The following ADGRL3 variants were observed in gnomAD, a reference collection of about 807,000 sequenced individuals.
ADGRL3 encodes adhesion G protein-coupled receptor L3.
Under a neutral mutation model 153.5 loss-of-function variants are expected in ADGRL3, and 62 were observed. That is an observed-to-expected ratio of 0.40 (90% CI 0.33 to 0.50). The LOEUF (loss-of-function observed/expected upper bound fraction) is 0.50, where lower values mean the gene tolerates loss of function less well. Among genes scored for constraint, ADGRL3 ranks in the 20% least tolerant of loss-of-function variants. ADGRL3 has a pLI of 0.47. For synonymous variants in ADGRL3, 710 were observed against 672.5 expected (o/e 1.06, Z -0.86); for missense variants, 1,641 against 1,859.4 (o/e 0.88, Z 2.16).
chr4:61,291,210 A>AAACACG (rs1553894991), intron 1 of ADGRL3, among the ~76,000 whole-genome samples: 1 of 133,458 alleles, frequency 7.5e-6, no homozygotes, highest in African/African-American at 2.7e-5. Flanking sequence ...ACACACACAC[A>AAACACG]CACACACGCA....
In ADGRL3 at chr4:61,247,045, G is replaced by A. The variant is rs887893346; in HGVS notation, c.-240+45280G>A. 2.0e-5 allele frequency among the ~76,000 whole-genome samples: 3 copies of A among 152,146 alleles called. No homozygotes were observed. The East Asian group carries it at 5.8e-4, about 29-fold the overall frequency. The stretch of plus-strand genomic sequence containing the variant: ...TAATAATATAACAATGTGAGATTGA[G>A]ATTTTTTTAAAGGAAGAGAAATAAT... On this transcript the variant is annotated intron_variant, in intron 1 of 26. Coordinates refer to ENST00000683033, the MANE Select transcript of ADGRL3 (RefSeq NM_001387552.1).
At chr4:61,902,499 A>G (rs1036149947) in intron 11 of ADGRL3, among the ~76,000 whole-genome samples, 1 of 152,148 alleles carries the variant, frequency 6.6e-6, no homozygotes, top group Non-Finnish European at 1.5e-5. Flanking sequence ...GACGGATCCT[A>G]TTTAAGCTCT....
At position 61,381,114 on chromosome 4, in the gene ADGRL3, G is replaced by A. The variant is rs115422175; in HGVS notation, c.-239-2010G>A. On this transcript the variant is annotated intron_variant, in intron 1 of 26. Transcript: ENST00000683033. ...TCATAAGTGGCTGTAATTGAGAAAG[G>A]CATTGAGATGTTGAATAGCCAAAGT... Among the ~76,000 whole-genome samples the A allele has an allele frequency of 4.9e-3, 742 of 152,004 alleles. 11 individuals are homozygous for A. The highest frequency in any genetic ancestry group is 0.017 in the African/African-American group (714 of 41,488).
intron 25 of ADGRL3, chr4:62,063,503 A>G (rs556628834): frequency 2.9e-6 from 2 of 680,066 alleles, no homozygotes; most frequent in Non-Finnish European, 5.4e-6. Context: ...GGGCTGCTCC[A>G]GGAGCCATGG....
In ADGRL3 at chr4:61,832,957, T is replaced by G. The variant is rs556088044; in HGVS notation, c.1480+19068T>G. 4.3e-4 allele frequency among the ~76,000 whole-genome samples: 65 copies of G among 152,136 alleles called. No individual in the cohort carries two copies. The South Asian group carries it at 0.013, about 31-fold the overall frequency. ...TACGGGCATGTTTTTCTCTTCTTTC[T>G]GACCATTGAGTTCATGTAGAGCCAT... On this transcript the variant is annotated intron_variant, in intron 9 of 26. Coordinates refer to ENST00000683033, the MANE Select transcript of ADGRL3 (RefSeq NM_001387552.1).
intron 1 of ADGRL3, among the ~76,000 whole-genome samples, chr4:61,360,674 T>C (rs2096269213): frequency 6.6e-6 from 1 of 152,180 alleles, no homozygotes; most frequent in Non-Finnish European, 1.5e-5. Flanking sequence ...AGCTGCTGAA[T>C]GCAACATTTT....
At chr4:61,569,039 C>T (rs1293325948) in intron 4 of ADGRL3, among the ~76,000 whole-genome samples, 1 of 151,912 alleles carries the variant, frequency 6.6e-6, no homozygotes, top group East Asian at 1.9e-4. Context: ...ACTTTTGTTT[C>T]GAGAGACTTT....
chr4:61,726,644 C>A (rs992963299), intron 6 of ADGRL3, among the ~76,000 whole-genome samples: 1 of 152,136 alleles, frequency 6.6e-6, no homozygotes, highest in African/African-American at 2.4e-5. Context: ...CATATCCCAA[C>A]TGCCCAGCTG....
intron 2 of ADGRL3, among the ~76,000 whole-genome samples, chr4:61,439,153 A>T (rs2097496409): frequency 6.6e-6 from 1 of 152,194 alleles, no homozygotes; most frequent in African/African-American, 2.4e-5. Flanking sequence ...GTTAAATTAA[A>T]AATTTCTGAT....
At chr4:61,351,521 G>T (rs1246616597) in intron 1 of ADGRL3, among the ~76,000 whole-genome samples, 2 of 152,192 alleles carry the variant, frequency 1.3e-5, no homozygotes, top group African/African-American at 4.8e-5. Flanking sequence ...TCAGTGCCTG[G>T]CTTCAAAGCT....
chr4:61,675,541 T>A (rs560145488), intron 5 of ADGRL3, among the ~76,000 whole-genome samples: 9 of 151,826 alleles, frequency 5.9e-5, no homozygotes, highest in Middle Eastern at 3.4e-3. Context: ...TCAACATGTT[T>A]GTTTTTCCCC....
intron 4 of ADGRL3, among the ~76,000 whole-genome samples, chr4:61,551,991 C>A (rs2098742523): frequency 6.6e-6 from 1 of 152,036 alleles, no homozygotes; most frequent in African/African-American, 2.4e-5. Flanking sequence ...GGTTATCACT[C>A]CACTAAGGGG....
chr4:61,930,554 T>C (rs950233256), intron 13 of ADGRL3, among the ~76,000 whole-genome samples: 1 of 152,196 alleles, frequency 6.6e-6, no homozygotes, highest in Non-Finnish European at 1.5e-5. Context: ...AATTATAAAG[T>C]ATATAACATC....
chr4:61,998,002 C>T (rs759566057), intron 20 of ADGRL3, among the ~76,000 whole-genome samples, 172 bp from the exon 21 acceptor site: 2 of 152,150 alleles, frequency 1.3e-5, no homozygotes, highest in African/African-American at 4.8e-5. Flanking sequence ...TCCCAATTCT[C>T]GAAACTGGCT....
At chr4:61,985,962 G>C (rs2099084078) in intron 19 of ADGRL3, among the ~76,000 whole-genome samples, 1 of 148,988 alleles carries the variant, frequency 6.7e-6, no homozygotes, top group Non-Finnish European at 1.5e-5. Context: ...AGATGTCTTA[G>C]GGGAGGGGTG....
chr4:61,635,654 C>T (rs1309912147), intron 5 of ADGRL3, among the ~76,000 whole-genome samples: 1 of 152,116 alleles, frequency 6.6e-6, no homozygotes, highest in Non-Finnish European at 1.5e-5. Flanking sequence ...AAGGCTCAGA[C>T]CCATTGTATG....
chr4:61,292,799 G>A (rs79677646), intron 1 of ADGRL3, among the ~76,000 whole-genome samples: 6,428 of 152,116 alleles, frequency 0.042, 241 homozygotes, highest in African/African-American at 0.092. Flanking sequence ...TCTTTTTGAT[G>A]CCTATTCTCA....
At chr4:61,804,923 T>G (rs2097536807) in intron 8 of ADGRL3, among the ~76,000 whole-genome samples, 1 of 142,568 alleles carries the variant, frequency 7.0e-6, no homozygotes. Flanking sequence ...TCCTGTGCCT[T>G]TATTTATTTA....
intron 5 of ADGRL3, among the ~76,000 whole-genome samples, chr4:61,675,549 C>G (rs1399688908): frequency 2.0e-5 from 3 of 150,846 alleles, no homozygotes; most frequent in Non-Finnish European, 4.4e-5. Context: ...TTTGTTTTTC[C>G]CCATGAATTA....
Sources: allele counts gnomAD v4.1 joint callset (sites outside exome capture counted in the v4.1 genomes callset), GRCh38; gene constraint gnomAD v4.1.1; transcripts MANE v1.5; gene names NCBI Gene and HGNC (gene_info 2026-07-23, HGNC 2026-07-21).